Variants in CEPT1 observed in about 807,000 individuals in gnomAD.
CEPT1 encodes choline/ethanolamine phosphotransferase 1.
A neutral mutation model predicts 42.6 loss-of-function variants in CEPT1; 7 were observed. The ratio of observed to expected loss-of-function variants is 0.16; its 90% CI spans 0.09 to 0.31. CEPT1 has a LOEUF of 0.31. Among genes scored for constraint, CEPT1 ranks in the 10% least tolerant of loss-of-function variants. The probability of loss-of-function intolerance (pLI) is 1.00; values close to 1 mark genes in which losing one functional copy is unlikely to be tolerated. For synonymous variants in CEPT1, 171 were observed against 171.9 expected (o/e 0.99, Z 0.04); for missense variants, 306 against 502.1 (o/e 0.61, Z 3.73).
intron 4 of CEPT1, chr1:111,167,117 C>A (rs377004054): frequency 2.0e-6 from 2 of 985,198 alleles, no homozygotes; most frequent in South Asian, 4.7e-5. Context: ...TTCGATGTTA[C>A]AGAGTCCCAG....
intron 2 of CEPT1, 46 bp downstream of exon 2, chr1:111,148,099 C>A: frequency 6.9e-7 from 1 of 1,450,590 alleles, no homozygotes; most frequent in Non-Finnish European, 9.6e-7. Context: ...ATACCAAAAA[C>A]GTTGTAATTG....
chr1:111,146,732 A>G (rs1654988067), intron 1 of CEPT1, among the ~76,000 whole-genome samples: 1 of 152,198 alleles, frequency 6.6e-6, no homozygotes, highest in Non-Finnish European at 1.5e-5. Flanking sequence ...TAAATGAAAT[A>G]CAAATACTTC....
intron 4 of CEPT1, among the ~76,000 whole-genome samples, chr1:111,169,305 A>G (rs1470921758): frequency 1.3e-5 from 2 of 152,184 alleles, no homozygotes; most frequent in African/African-American, 4.8e-5. Context: ...CTAGATTTAT[A>G]GATTTATAAT....
At chr1:111,152,536 C>G (rs1318167958) in intron 2 of CEPT1, among the ~76,000 whole-genome samples, 1 of 152,086 alleles carries the variant, frequency 6.6e-6, no homozygotes, top group African/African-American at 2.4e-5. Context: ...ACACAGTACA[C>G]CATTTAGAAA....
intron 1 of CEPT1, among the ~76,000 whole-genome samples, chr1:111,141,958 G>A (rs562540650): frequency 1.3e-5 from 2 of 152,158 alleles, no homozygotes; most frequent in Non-Finnish European, 2.9e-5. Flanking sequence ...TCAAAACTTG[G>A]CACCCTTAGA....
intron 5 of CEPT1, chr1:111,178,651 T>C (rs547311815): frequency 1.4e-3 from 210 of 152,272 alleles, no homozygotes; most frequent in African/African-American, 4.8e-3. Context: ...TATATTCTTA[T>C]TTGGAAGAGA....
intron 2 of CEPT1, among the ~76,000 whole-genome samples, chr1:111,155,903 A>G (rs2101284016): frequency 6.6e-6 from 1 of 151,944 alleles, no homozygotes; most frequent in Admixed American, 6.6e-5. Context: ...GTATATATAT[A>G]TTCTATTTCA....
upstream of CEPT1, chr1:111,140,127 G>A (rs1443945220): frequency 7.0e-6 from 1 of 142,542 alleles, no homozygotes; most frequent in Non-Finnish European, 1.6e-5. Context: ...CTCCCGAGCA[G>A]ACCGGCCGGC....
intron 2 of CEPT1, among the ~76,000 whole-genome samples, chr1:111,148,716 C>T (rs1232263793): frequency 6.6e-6 from 1 of 152,218 alleles, no homozygotes; most frequent in Non-Finnish European, 1.5e-5. Flanking sequence ...ACCCTCTGTA[C>T]TCATTACTTG....
At chr1:111,167,200 A>G (rs1656185622) in intron 4 of CEPT1, 5 of 985,002 alleles carry the variant, frequency 5.1e-6, no homozygotes, top group Non-Finnish European at 6.0e-6. Flanking sequence ...GGTAACTGCT[A>G]GAATATTCAT....
chr1:111,150,709 T>C (rs1410929721), intron 2 of CEPT1, among the ~76,000 whole-genome samples: 1 of 152,208 alleles, frequency 6.6e-6, no homozygotes, highest in Admixed American at 6.5e-5. Context: ...GTCATTATTA[T>C]AATAGTTTAA....
chr1:111,174,854 CT>C (rs1336878548), intron 4 of CEPT1, 24 bp from the exon 5 acceptor site: 1 of 1,459,904 alleles, frequency 6.8e-7, no homozygotes, highest in Non-Finnish European at 9.6e-7. Context: ...TAATTCTGCT[CT>C]TTTGGCTTTT....
chr1:111,169,420 C>T (rs1656307837), intron 4 of CEPT1, among the ~76,000 whole-genome samples: 1 of 152,026 alleles, frequency 6.6e-6, no homozygotes, highest in Non-Finnish European at 1.5e-5. Flanking sequence ...TCTACTTTCA[C>T]CTTGTTTGTC....
chr1:111,149,266 CTTT>C (rs775722606), intron 2 of CEPT1, among the ~76,000 whole-genome samples: 8 of 127,886 alleles, frequency 6.3e-5, no homozygotes, highest in Admixed American at 8.1e-5. Context: ...GGTTTCTCCT[CTTT>C]TTTTTTTTTT....
At chr1:111,140,200 C>T (rs908003096), upstream of CEPT1, 1 of 152,240 alleles carries the variant, frequency 6.6e-6, no homozygotes, top group Non-Finnish European at 1.5e-5. Flanking sequence ...AACCTTGTTC[C>T]CCTTTACGGC....
intron 4 of CEPT1, chr1:111,168,046 T>A (rs325888): frequency 0.7 from 108,957 of 155,646 alleles, 38,611 homozygotes; most frequent in African/African-American, 0.82. Flanking sequence ...TAATTTTAAA[T>A]TTTTTTTTTG....
At chr1:111,152,823 G>A (rs1271351599) in intron 2 of CEPT1, among the ~76,000 whole-genome samples, 3 of 151,874 alleles carry the variant, frequency 2.0e-5, no homozygotes, top group East Asian at 1.9e-4. Flanking sequence ...ATATATGCCC[G>A]CCAAAATCTT....
Position 111,147,957 on chromosome 1 carries a change from C to A in CEPT1, c.243C>A (p.Ser81=). The A allele has an allele frequency of 1.2e-6, 2 of 1,614,114 alleles. No homozygotes were observed. Among genetic ancestry groups the A allele is most frequent in the Non-Finnish European group, 1.7e-6 (2 of 1,180,000 alleles). The change falls in exon 2 of 9, where the codon TCC becomes TCA. Residue 81 remains serine, a synonymous_variant. Coordinates refer to ENST00000357172, the MANE Select transcript of CEPT1 (RefSeq NM_006090.5). ...YWEWLVRRVP[S]WIAPNLITII... The stretch of plus-strand genomic sequence containing the variant: ...AATGGCTCGTTAGAAGAGTTCCCTC[C>A]TGGATTGCCCCAAATCTCATCACCA...
intron 2 of CEPT1, among the ~76,000 whole-genome samples, chr1:111,156,793 A>G (rs942973235): frequency 2.0e-5 from 3 of 152,166 alleles, no homozygotes; most frequent in East Asian, 1.9e-4. Flanking sequence ...ATGTATATAT[A>G]TATTTGTATG....
Sources: gnomAD v4.1 joint callset for allele counts (sites outside exome capture counted in the v4.1 genomes callset) on GRCh38, gnomAD v4.1.1 for gene constraint, MANE v1.5 for transcripts, NCBI Gene and HGNC (gene_info 2026-07-23, HGNC 2026-07-21) for gene names.